MRPL30: variants seen among roughly 807,000 people sequenced by gnomAD.
MRPL30 encodes the protein large ribosomal subunit protein uL30m.
In MRPL30, 10 loss-of-function variants were observed where a neutral mutation model predicts 17.2. The ratio of observed to expected loss-of-function variants is 0.58; its 90% CI spans 0.36 to 0.99. The LOEUF is 0.99. MRPL30 is among the 50% of genes least tolerant of loss of function. The probability of loss-of-function intolerance (pLI) is 0.01; values close to 1 mark genes in which losing one functional copy is unlikely to be tolerated. For synonymous variants in MRPL30, 61 were observed against 62.1 expected (o/e 0.98, Z 0.08); for missense variants, 170 against 189.8 (o/e 0.90, Z 0.61).
rs56091237 is a variant in MRPL30, at chr2:99,194,804, C to T, written c.186C>T (p.Asn62=). The stretch of plus-strand genomic sequence containing the variant: ...AAAAATACGGTGGGGATCCACAGAA[C>T]CCTCATAAACTGCATATTGTTACCA... ...DHEKYGGDPQ[N]PHKLHIVTRI... is the part of the protein sequence containing the mutation. Residue 62 remains asparagine, a synonymous_variant, in exon 4 of 6, where the codon AAC becomes AAT. Coordinates refer to ENST00000338148, the MANE Select transcript of MRPL30 (RefSeq NM_145212.4). 89 of 1,597,104 alleles carry T rather than the reference C, an allele frequency of 5.6e-5. No individual in the cohort carries two copies. Among genetic ancestry groups the T allele is most frequent in the Non-Finnish European group, 7.4e-5 (87 of 1,174,794 alleles).
chr2:99,184,049 C>T (rs1345847471), intron 1 of MRPL30, among the ~76,000 whole-genome samples: 1 of 150,602 alleles, frequency 6.6e-6, no homozygotes, highest in Non-Finnish European at 1.5e-5. Context: ...TTCTCATTAA[C>T]TTATTCACCT....
chr2:99,188,503 G>A (rs1156751988), intron 3 of MRPL30, among the ~76,000 whole-genome samples: 1 of 152,148 alleles, frequency 6.6e-6, no homozygotes, highest in African/African-American at 2.4e-5. Context: ...ATTCCTGCTT[G>A]TGGTTTGTAC....
intron 1 of MRPL30, among the ~76,000 whole-genome samples, chr2:99,182,778 G>A (rs2093927197): frequency 6.6e-6 from 1 of 152,180 alleles, no homozygotes; most frequent in Admixed American, 6.5e-5. Context: ...TTATATGTCT[G>A]CTATAGGGCA....
rs1444852786 is a variant in MRPL30, at chr2:99,188,188, A to C, written c.63A>C (p.Lys21Asn). ...ATATCATATTTTAGACTGTGACAAA[A>C]GGTGTGGAGTCTCTTATTTGTACAG... The part of the protein sequence containing the change: ...WPPGRLQTVT[K>N]GVESLICTDW... The change falls in exon 3 of 6, where the codon AAA becomes AAC. Residue 21 changes from lysine (K) to asparagine (N), a missense_variant. Coordinates refer to ENST00000338148, the MANE Select transcript of MRPL30 (RefSeq NM_145212.4). 6.3e-7 allele frequency: 1 copy of C among 1,593,136 alleles called. No individual in the cohort carries two copies. The highest frequency in any genetic ancestry group is 1.7e-4 in the Middle Eastern group (1 of 5,964).
intron 1 of MRPL30, 143 bp from the exon 2 acceptor site, chr2:99,186,034 C>T (rs1182613390): frequency 1.7e-6 from 1 of 583,354 alleles, no homozygotes; most frequent in Non-Finnish European, 3.1e-6. Flanking sequence ...TTAATTCGTG[C>T]CCTTATTATA....
intron 3 of MRPL30, among the ~76,000 whole-genome samples, chr2:99,193,828 G>T (rs2093950879): frequency 6.6e-6 from 1 of 152,106 alleles, no homozygotes; most frequent in Non-Finnish European, 1.5e-5. Flanking sequence ...CACAAGGTCA[G>T]GAGTTCGAGA....
At chr2:99,189,278 C>T (rs2093939880) in intron 3 of MRPL30, among the ~76,000 whole-genome samples, 1 of 152,206 alleles carries the variant, frequency 6.6e-6, no homozygotes, top group Non-Finnish European at 1.5e-5. Flanking sequence ...CCCTAAGTAT[C>T]ACCTGTGGTT....
At chr2:99,193,997 C>T (rs2093951150) in intron 3 of MRPL30, among the ~76,000 whole-genome samples, 1 of 141,614 alleles carries the variant, frequency 7.1e-6, no homozygotes, top group Non-Finnish European at 1.5e-5. Flanking sequence ...AAGATCGTGC[C>T]ATTGCACTCC....
In MRPL30 at chr2:99,191,488, G is replaced by A. The variant is rs144833603; in HGVS notation, c.132+3231G>A. 1.4e-4 allele frequency among the ~76,000 whole-genome samples: 21 copies of A among 152,240 alleles called. No individual in the cohort carries two copies. In the East Asian group the frequency reaches 4.0e-3, roughly 29 times the overall value. On this transcript the variant is annotated intron_variant, in intron 3 of 5. Coordinates refer to ENST00000338148, the MANE Select transcript of MRPL30 (RefSeq NM_145212.4). The stretch of plus-strand genomic sequence containing the variant: ...TCTTGTATTAGTTATGTCAGTTAAT[G>A]CTACCATCCTCTATCTAATTTCCCA...
At chr2:99,194,148 G>A (rs567983177) in intron 3 of MRPL30, among the ~76,000 whole-genome samples, 22 of 152,148 alleles carry the variant, frequency 1.4e-4, no homozygotes, top group African/African-American at 5.1e-4. Context: ...TGAGGAACAC[G>A]GGTTGCCTTT....
chr2:99,184,416 A>G (rs1489912146), intron 1 of MRPL30, among the ~76,000 whole-genome samples: 1 of 152,088 alleles, frequency 6.6e-6, no homozygotes, highest in African/African-American at 2.4e-5. Context: ...AATTACTTCT[A>G]TATCCCTCAA....
At chr2:99,189,136 A>T (rs957949110) in intron 3 of MRPL30, among the ~76,000 whole-genome samples, 1 of 152,214 alleles carries the variant, frequency 6.6e-6, no homozygotes. Context: ...AACCAACGGG[A>T]CACAGTATTA....
At chr2:99,191,818 G>C (rs756017535) in intron 3 of MRPL30, among the ~76,000 whole-genome samples, 2 of 152,026 alleles carry the variant, frequency 1.3e-5, no homozygotes, top group African/African-American at 4.8e-5. Context: ...ACATAGTCGC[G>C]CATAGTTTAA....
chr2:99,193,337 A>G (rs2093950036), intron 3 of MRPL30, among the ~76,000 whole-genome samples: 1 of 152,210 alleles, frequency 6.6e-6, no homozygotes, highest in Admixed American at 6.5e-5. Context: ...GATGCTGGCA[A>G]GGCTGTGGAG....
chr2:99,182,355 ACCAT>A (rs1355600718), intron 1 of MRPL30, among the ~76,000 whole-genome samples: 1 of 152,174 alleles, frequency 6.6e-6, no homozygotes, highest in Non-Finnish European at 1.5e-5. Flanking sequence ...GGAGATCGAG[ACCAT>A]CCTGGCTAAC....
rs1160579371 is a variant in MRPL30, at chr2:99,199,167, CCCTT to C, written c.*3471_*3474del. Among the ~76,000 whole-genome samples, 1 of 152,124 alleles carries C rather than the reference CCCTT, an allele frequency of 6.6e-6. No individual in the cohort carries two copies. The highest frequency in any genetic ancestry group is 1.5e-5 in the Non-Finnish European group (1 of 68,022). ...TAATTTTGCTTAACATAAGTAGTAT[CCCTT>C]CCTTCCTTTCCATACTTTGAGAATT... On this transcript the variant is annotated 3_prime_UTR_variant, in exon 6 of 6. Transcript: ENST00000338148.
At chr2:99,189,135 G>A (rs2093939591) in intron 3 of MRPL30, among the ~76,000 whole-genome samples, 1 of 152,166 alleles carries the variant, frequency 6.6e-6, no homozygotes, top group Non-Finnish European at 1.5e-5. Context: ...GAACCAACGG[G>A]ACACAGTATT....
At chr2:99,186,141 T>C in intron 1 of MRPL30, 36 bp from the exon 2 acceptor site, 1 of 1,431,892 alleles carries the variant, frequency 7.0e-7, no homozygotes, top group Non-Finnish European at 9.8e-7. Flanking sequence ...TTCCAAGACA[T>C]AGTTGACTGA....
chr2:99,182,760 A>G (rs1037767707), intron 1 of MRPL30, among the ~76,000 whole-genome samples: 3 of 152,216 alleles, frequency 2.0e-5, no homozygotes, highest in African/African-American at 7.2e-5. Context: ...TTATTCTGCA[A>G]AAATATATTA....
Sources: gnomAD v4.1 joint callset for allele counts (sites outside exome capture counted in the v4.1 genomes callset) on GRCh38, gnomAD v4.1.1 for gene constraint, MANE v1.5 for transcripts, NCBI Gene and HGNC (gene_info 2026-07-23, HGNC 2026-07-21) for gene names.